Variants in CFAP299 observed in about 807,000 individuals in gnomAD.
CFAP299 encodes the protein cilia and flagella associated protein 299.
CFAP299 carries 21 observed loss-of-function variants against 27.0 expected under a neutral mutation model. The observed-to-expected ratio is 0.78, with a 90% CI of 0.55 to 1.12. The LOEUF (loss-of-function observed/expected upper bound fraction) is 1.12, where lower values mean the gene tolerates loss of function less well. CFAP299 is among the 50% of genes most tolerant of loss of function. CFAP299 has a pLI of 0.00. For missense variants in CFAP299, 310 were observed against 276.6 expected (o/e 1.12, Z -0.86); for synonymous variants, 104 against 98.1 (o/e 1.06, Z -0.36).
intron 2 of CFAP299, among the ~76,000 whole-genome samples, chr4:80,366,816 C>A (rs1333392141): frequency 6.6e-6 from 1 of 152,068 alleles, no homozygotes; most frequent in Non-Finnish European, 1.5e-5. Flanking sequence ...TCCAACCCAT[C>A]AACTGATGAA....
At chr4:80,855,032 A>G (rs13107344) in intron 3 of CFAP299, among the ~76,000 whole-genome samples, 22,626 of 151,938 alleles carry the variant, frequency 0.15, 2,031 homozygotes, top group Middle Eastern at 0.28. Flanking sequence ...TGGATTAGTG[A>G]CTCCAAAGAG....
chr4:80,871,988 T>C (rs1158937737), intron 4 of CFAP299: 32 of 150,510 alleles, frequency 2.1e-4, no homozygotes, highest in Admixed American at 2.1e-3. Flanking sequence ...ACAGTCCCCC[T>C]CATTCTTTTT....
At chr4:80,800,585 A>T (rs1356860669) in intron 3 of CFAP299, among the ~76,000 whole-genome samples, 4 of 86,464 alleles carry the variant, frequency 4.6e-5, no homozygotes, top group South Asian at 3.3e-4. Flanking sequence ...TAAATATATA[A>T]TATATAATAT....
chr4:80,923,293 C>T (rs922648235), intron 4 of CFAP299, among the ~76,000 whole-genome samples: 3 of 152,086 alleles, frequency 2.0e-5, no homozygotes, highest in African/African-American at 4.8e-5. Context: ...TTCACATACA[C>T]ACCCTGTGAA....
chr4:80,710,982 C>T (rs905767790), intron 3 of CFAP299, among the ~76,000 whole-genome samples: 4 of 152,108 alleles, frequency 2.6e-5, no homozygotes, highest in African/African-American at 4.8e-5. Context: ...AGAGCACAGG[C>T]GTATAACTCC....
chr4:80,469,914 T>C (rs1021753262), intron 2 of CFAP299, among the ~76,000 whole-genome samples: 1 of 152,182 alleles, frequency 6.6e-6, no homozygotes, highest in African/African-American at 2.4e-5. Flanking sequence ...CCTCATACTT[T>C]TTTTGTCTTA....
At chr4:80,322,237 C>T in the CFAP299 span, among the ~76,000 whole-genome samples, 1 of 152,190 alleles carries the variant, frequency 6.6e-6, no homozygotes, top group Non-Finnish European at 1.5e-5. Context: ...GGAACATCTG[C>T]AGCCGAGCTG....
chr4:80,409,498 A>G (rs1170413083), intron 2 of CFAP299, among the ~76,000 whole-genome samples: 2 of 152,198 alleles, frequency 1.3e-5, no homozygotes, highest in Admixed American at 6.5e-5. Context: ...ACACTCCTAC[A>G]AAGTTTGTTA....
intron 2 of CFAP299, among the ~76,000 whole-genome samples, chr4:80,533,247 T>C (rs1578562981): frequency 6.6e-6 from 1 of 152,364 alleles, no homozygotes; most frequent in East Asian, 1.9e-4. Flanking sequence ...TGCATAATAG[T>C]AGCTGGGTAA....
chr4:80,543,572 C>T (rs1395218762), intron 2 of CFAP299, among the ~76,000 whole-genome samples: 4 of 152,218 alleles, frequency 2.6e-5, no homozygotes, highest in Non-Finnish European at 5.9e-5. Context: ...GAAGCATCAA[C>T]AACCAAATAG....
chr4:80,689,780 G>A (rs987278808), intron 3 of CFAP299, among the ~76,000 whole-genome samples: 1 of 152,202 alleles, frequency 6.6e-6, no homozygotes, highest in African/African-American at 2.4e-5. Flanking sequence ...CCATCAGTGT[G>A]CTGTATTCAG....
chr4:80,602,874 G>A (rs143842148), intron 3 of CFAP299, among the ~76,000 whole-genome samples: 56 of 152,216 alleles, frequency 3.7e-4, no homozygotes, highest in African/African-American at 1.2e-3. Flanking sequence ...CTGGCCATGT[G>A]CACACAGACC....
intron 4 of CFAP299, among the ~76,000 whole-genome samples, chr4:80,877,196 A>C (rs948039171): frequency 3.3e-5 from 5 of 152,152 alleles, no homozygotes; most frequent in Non-Finnish European, 5.9e-5. Flanking sequence ...ACTGTGGTTC[A>C]AAAAAATTTT....
chr4:80,493,451 G>A (rs1445443811), intron 2 of CFAP299, among the ~76,000 whole-genome samples: 2 of 152,128 alleles, frequency 1.3e-5, no homozygotes, highest in Admixed American at 6.5e-5. Context: ...GAGTGCTTTG[G>A]CGGAGTCAGG....
chr4:80,502,777 C>T (rs1731807407), intron 2 of CFAP299, among the ~76,000 whole-genome samples: 1 of 152,002 alleles, frequency 6.6e-6, no homozygotes, highest in Non-Finnish European at 1.5e-5. Flanking sequence ...ACAAGTTATT[C>T]TTGGTTTATC....
intron 3 of CFAP299, among the ~76,000 whole-genome samples, chr4:80,694,558 T>A (rs1294491985): frequency 6.6e-6 from 1 of 152,238 alleles, no homozygotes; most frequent in Non-Finnish European, 1.5e-5. Context: ...GCAGAAGAGT[T>A]GCCAATGTCT....
chr4:80,856,890 C>A, intron 3 of CFAP299, among the ~76,000 whole-genome samples: 1 of 151,838 alleles, frequency 6.6e-6, no homozygotes, highest in East Asian at 1.9e-4. Flanking sequence ...GATGAGGGCT[C>A]TTTTTTGGTT....
At chr4:80,523,245 A>G (rs1733008874) in intron 2 of CFAP299, among the ~76,000 whole-genome samples, 4 of 152,058 alleles carry the variant, frequency 2.6e-5, no homozygotes, top group Admixed American at 2.6e-4. Context: ...TTCTGATGCT[A>G]TTGTAAATGG....
upstream of CFAP299, among the ~76,000 whole-genome samples, chr4:80,331,585 A>G (rs1345882660): frequency 6.6e-6 from 1 of 152,198 alleles, no homozygotes; most frequent in Non-Finnish European, 1.5e-5. Context: ...CAGGCCTTAC[A>G]TTTCAGGGGT....
Sources: gnomAD v4.1 joint callset for allele counts (sites outside exome capture counted in the v4.1 genomes callset) on GRCh38, gnomAD v4.1.1 for gene constraint, MANE v1.5 for transcripts, NCBI Gene and HGNC (gene_info 2026-07-23, HGNC 2026-07-21) for gene names.